RTL4: variants seen among roughly 807,000 people sequenced by gnomAD.
The protein encoded by RTL4 is retrotransposon Gag-like protein 4.
Under a neutral mutation model 5.3 loss-of-function variants are expected in RTL4, and 4 were observed. The ratio of observed to expected loss-of-function variants is 0.75; its 90% CI spans 0.37 to 1.72. The LOEUF (loss-of-function observed/expected upper bound fraction) is 1.72, where lower values mean the gene tolerates loss of function less well. RTL4 is among the 40% of genes most tolerant of loss of function. The probability of loss-of-function intolerance (pLI) is 0.04; values close to 1 mark genes in which losing one functional copy is unlikely to be tolerated. For missense variants in RTL4, 260 were observed against 227.1 expected, an observed-to-expected ratio of 1.14 and a Z score of -0.93; for synonymous variants, 98 against 87.3, an observed-to-expected ratio of 1.12 and a Z score of -0.68.
At chrX:112,320,116 C>G in the RTL4 span, 5 of 111,581 alleles carry the variant, frequency 4.5e-5, no homozygotes, top group Non-Finnish European at 7.5e-5. Flanking sequence ...CAAAAGATCT[C>G]TATATATGAG....
chrX:112,374,536 C>T, the RTL4 span, among the ~76,000 whole-genome samples: 4 of 111,753 alleles, frequency 3.6e-5, no homozygotes, highest in African/African-American at 1.3e-4. Context: ...CAAAAAAGTA[C>T]CTGCTGCAAT....
At chrX:112,349,167 T>C in the RTL4 span, among the ~76,000 whole-genome samples, 117 of 111,175 alleles carry the variant, frequency 1.1e-3, 2 homozygotes, top group Non-Finnish European at 5.3e-4. Context: ...TAAACATTTA[T>C]ATACAATGAA....
chrX:112,145,657 G>A, the RTL4 span, among the ~76,000 whole-genome samples: 2 of 111,620 alleles, frequency 1.8e-5, no homozygotes, highest in East Asian at 2.8e-4. Flanking sequence ...TAAAAAAAGT[G>A]TCTATATAAT....
At chrX:112,356,622 CTT>C in the RTL4 span, among the ~76,000 whole-genome samples, 3 of 107,595 alleles carry the variant, frequency 2.8e-5, no homozygotes, top group African/African-American at 1.0e-4. Flanking sequence ...AATATGATCT[CTT>C]CTTTGAGTAT....
At chrX:112,339,905 A>T in the RTL4 span, among the ~76,000 whole-genome samples, 1 of 112,777 alleles carries the variant, frequency 8.9e-6, no homozygotes, top group South Asian at 3.6e-4. Flanking sequence ...TGAAAGCAAC[A>T]TTAGTTAATA....
the RTL4 span, among the ~76,000 whole-genome samples, chrX:112,428,168 T>C: frequency 9.0e-6 from 1 of 111,630 alleles, no homozygotes; most frequent in African/African-American, 3.2e-5. Flanking sequence ...TATCCATTCA[T>C]TGGTCAGTGA....
chrX:112,141,899 G>A, the RTL4 span, among the ~76,000 whole-genome samples: 5 of 111,906 alleles, frequency 4.5e-5, no homozygotes, highest in Non-Finnish European at 9.4e-5. Context: ...TAATAACTAA[G>A]GGTTTTGGAA....
the RTL4 span, among the ~76,000 whole-genome samples, chrX:112,169,042 T>TTCTCTTTC: frequency 6.1e-5 from 2 of 32,622 alleles, no homozygotes; most frequent in Non-Finnish European, 6.1e-5. Context: ...CTTTCTTTCT[T>TTCTCTTTC]TCTTTCTTTC....
At chrX:112,401,683 A>T in the RTL4 span, among the ~76,000 whole-genome samples, 1 of 111,299 alleles carries the variant, frequency 9.0e-6, no homozygotes, top group African/African-American at 3.3e-5. Context: ...AATTTTCATT[A>T]CCTTACCCAC....
chrX:112,154,918 G>A, the RTL4 span, among the ~76,000 whole-genome samples: 1 of 111,007 alleles, frequency 9.0e-6, no homozygotes, highest in Admixed American at 9.6e-5. Context: ...TTAAGATGTG[G>A]GTCCATCATT....
chrX:112,404,582 A>T, the RTL4 span, among the ~76,000 whole-genome samples: 1 of 112,507 alleles, frequency 8.9e-6, no homozygotes, highest in African/African-American at 3.2e-5. Flanking sequence ...TTGAAGTTTT[A>T]TAGTAAAAAA....
the RTL4 span, among the ~76,000 whole-genome samples, chrX:112,170,344 C>T: frequency 0.011 from 1,271 of 111,462 alleles, 7 homozygotes; most frequent in Middle Eastern, 0.023. Context: ...TAAATTACTT[C>T]GGGCATTTTC....
At chrX:112,206,048 CT>C in the RTL4 span, among the ~76,000 whole-genome samples, 3 of 111,823 alleles carry the variant, frequency 2.7e-5, no homozygotes. Context: ...TTTTTATTGA[CT>C]TGTGCTCTTC....
the RTL4 span, among the ~76,000 whole-genome samples, chrX:112,227,035 C>A: frequency 2.2e-5 from 2 of 92,432 alleles, no homozygotes; most frequent in Non-Finnish European, 4.2e-5. Context: ...ATAGTACAGC[C>A]GATAGTATAG....
At chrX:112,399,464 T>G in the RTL4 span, among the ~76,000 whole-genome samples, 1 of 111,796 alleles carries the variant, frequency 8.9e-6, no homozygotes, top group African/African-American at 3.2e-5. Context: ...TGCTGTAAAT[T>G]TCCCTCTAAT....
the RTL4 span, among the ~76,000 whole-genome samples, chrX:112,083,040 G>A: frequency 9.1e-6 from 1 of 110,232 alleles, no homozygotes; most frequent in Non-Finnish European, 1.9e-5. Context: ...TCCGCGGCCA[G>A]GGGTGGAAGG....
the RTL4 span, among the ~76,000 whole-genome samples, chrX:112,096,555 G>A: frequency 2.0e-3 from 220 of 111,499 alleles, no homozygotes; most frequent in African/African-American, 6.4e-3. Context: ...CAGCTATCTC[G>A]CCAAAGGCTA....
the RTL4 span, among the ~76,000 whole-genome samples, chrX:112,148,226 T>A: frequency 4.6e-5 from 5 of 108,436 alleles, no homozygotes; most frequent in Non-Finnish European, 9.5e-5. Flanking sequence ...TGTACAGTGA[T>A]GTGAACTTGG....
chrX:112,321,111 G>A, the RTL4 span, among the ~76,000 whole-genome samples: 1 of 111,471 alleles, frequency 9.0e-6, no homozygotes, highest in African/African-American at 3.3e-5. Context: ...ATTTTCTGGG[G>A]TTATGGATTC....
Sources: allele counts gnomAD v4.1 joint callset (sites outside exome capture counted in the v4.1 genomes callset), GRCh38; gene constraint gnomAD v4.1.1; transcripts MANE v1.5; gene names NCBI Gene and HGNC (gene_info 2026-07-23, HGNC 2026-07-21).